Variants in ALDH1A2 observed in about 807,000 individuals in gnomAD.
The protein encoded by ALDH1A2 is retinal dehydrogenase 2.
Under a neutral mutation model 60.3 loss-of-function variants are expected in ALDH1A2, and 27 were observed. The observed-to-expected ratio is 0.45, with a 90% CI of 0.33 to 0.62. The LOEUF is 0.62. Among genes scored for constraint, ALDH1A2 ranks in the 20% least tolerant of loss-of-function variants. ALDH1A2 has a pLI of 0.02. For synonymous variants in ALDH1A2, 289 were observed against 232.4 expected (o/e 1.24, Z -2.21); for missense variants, 581 against 643.8 (o/e 0.90, Z 1.06).
At chr15:57,965,896 C>G (rs1893881013) in intron 7 of ALDH1A2, 69 bp from the exon 8 acceptor site, 1 of 1,201,916 alleles carries the variant, frequency 8.3e-7, no homozygotes, top group East Asian at 2.3e-5. Context: ...CCAATGCCAG[C>G]TCAGGGCATC....
At chr15:57,965,334 G>A (rs1350907353) in intron 8 of ALDH1A2, among the ~76,000 whole-genome samples, 4 of 152,272 alleles carry the variant, frequency 2.6e-5, no homozygotes, top group East Asian at 3.9e-4. Flanking sequence ...TGGTCAAGTC[G>A]GATTTATTTA....
chr15:57,998,451 A>G (rs1371159664), intron 4 of ALDH1A2, among the ~76,000 whole-genome samples: 2 of 152,116 alleles, frequency 1.3e-5, no homozygotes, highest in Admixed American at 6.6e-5. Flanking sequence ...CCCATTCATA[A>G]TTGATACAAA....
intron 4 of ALDH1A2, among the ~76,000 whole-genome samples, chr15:58,009,372 T>C (rs1263080177): frequency 6.6e-6 from 1 of 152,120 alleles, no homozygotes; most frequent in East Asian, 1.9e-4. Context: ...CACATTAAAT[T>C]GGAGAAGAAC....
intron 7 of ALDH1A2, among the ~76,000 whole-genome samples, chr15:57,972,719 C>T (rs1305549805): frequency 6.6e-6 from 1 of 152,200 alleles, no homozygotes; most frequent in African/African-American, 2.4e-5. Context: ...TTAAAACCTA[C>T]ACAACCAAAG....
chr15:57,988,682 T>C (rs1417946334), intron 7 of ALDH1A2, among the ~76,000 whole-genome samples: 3 of 152,222 alleles, frequency 2.0e-5, no homozygotes, highest in African/African-American at 7.2e-5. Flanking sequence ...GGTACTTAAA[T>C]GGGTGCATTT....
At chr15:58,065,331 C>A in intron 1 of ALDH1A2, 1 of 636,356 alleles carries the variant, frequency 1.6e-6, no homozygotes, top group Non-Finnish European at 2.8e-6. Flanking sequence ...GGTTAAGTCC[C>A]CAAGGCGTCC....
intron 7 of ALDH1A2, chr15:57,980,395 C>G (rs1894451999): frequency 2.7e-6 from 1 of 368,840 alleles, no homozygotes; most frequent in African/African-American, 2.1e-5. Context: ...GGTTTTCCAG[C>G]TGGTGCCACT....
chr15:58,017,105 C>G (rs1895810919), intron 1 of ALDH1A2, among the ~76,000 whole-genome samples: 1 of 152,142 alleles, frequency 6.6e-6, no homozygotes, highest in African/African-American at 2.4e-5. Flanking sequence ...CAGATAAATT[C>G]TGTCAGACTT....
chr15:57,971,605 G>A (rs1894068669), intron 7 of ALDH1A2, among the ~76,000 whole-genome samples: 1 of 151,728 alleles, frequency 6.6e-6, no homozygotes, highest in African/African-American at 2.4e-5. Flanking sequence ...AAAAAAAATT[G>A]GTACAGACAG....
At chr15:57,972,038 T>C (rs1894086157) in intron 7 of ALDH1A2, among the ~76,000 whole-genome samples, 1 of 152,222 alleles carries the variant, frequency 6.6e-6, no homozygotes. Context: ...CTAATGTTAT[T>C]GTTGATTGAG....
At chr15:58,055,531 ATAAG>A (rs762834343) in intron 1 of ALDH1A2, among the ~76,000 whole-genome samples, 7 of 152,214 alleles carry the variant, frequency 4.6e-5, no homozygotes, top group Admixed American at 1.3e-4. Flanking sequence ...AGAAGTGCAA[ATAAG>A]TAATATGAAT....
At chr15:58,053,866 T>C (rs372270991) in intron 1 of ALDH1A2, among the ~76,000 whole-genome samples, 1 of 152,132 alleles carries the variant, frequency 6.6e-6, no homozygotes, top group Non-Finnish European at 1.5e-5. Flanking sequence ...TGGAGAAACA[T>C]GGAAGAGCAA....
intron 5 of ALDH1A2, among the ~76,000 whole-genome samples, chr15:57,994,474 G>T (rs746516123): frequency 2.6e-5 from 4 of 152,146 alleles, no homozygotes; most frequent in Non-Finnish European, 5.9e-5. Context: ...GTCATGTTTT[G>T]TATTGTACCA....
chr15:58,050,792 C>G (rs1476161739), intron 1 of ALDH1A2, among the ~76,000 whole-genome samples: 2 of 152,124 alleles, frequency 1.3e-5, no homozygotes, highest in Non-Finnish European at 2.9e-5. Context: ...AAAAGTAAAA[C>G]CAAAAGTAGC....
chr15:58,050,346 T>C (rs1896743820), intron 1 of ALDH1A2, among the ~76,000 whole-genome samples: 4 of 152,112 alleles, frequency 2.6e-5, no homozygotes, highest in African/African-American at 9.7e-5. Flanking sequence ...ATGATTTCTC[T>C]AACAGTTTAG....
intron 4 of ALDH1A2, among the ~76,000 whole-genome samples, chr15:58,001,682 G>T (rs1222080870): frequency 6.6e-6 from 1 of 151,920 alleles, no homozygotes. Context: ...TGACTTAGAA[G>T]GTTGTTTCCT....
intron 7 of ALDH1A2, among the ~76,000 whole-genome samples, chr15:57,981,604 G>T (rs561066773): frequency 6.6e-6 from 1 of 152,098 alleles, no homozygotes; most frequent in East Asian, 1.9e-4. Context: ...AAGAAGACAT[G>T]AAATAACAGA....
At chr15:57,977,786 T>C (rs1195745787) in intron 7 of ALDH1A2, among the ~76,000 whole-genome samples, 1 of 151,988 alleles carries the variant, frequency 6.6e-6, no homozygotes, top group Non-Finnish European at 1.5e-5. Flanking sequence ...TAGCATTGAA[T>C]TTATAAATTA....
intron 7 of ALDH1A2, among the ~76,000 whole-genome samples, chr15:57,986,447 G>GTAACT (rs1894701628): frequency 1.3e-5 from 2 of 150,938 alleles, no homozygotes; most frequent in South Asian, 2.1e-4. Flanking sequence ...TGAACCTCAA[G>GTAACT]TAACTTAACT....
Sources: gnomAD v4.1 joint callset for allele counts (sites outside exome capture counted in the v4.1 genomes callset) on GRCh38, gnomAD v4.1.1 for gene constraint, MANE v1.5 for transcripts, NCBI Gene and HGNC (gene_info 2026-07-23, HGNC 2026-07-21) for gene names.